The following NFS1 variants were observed in gnomAD, a reference collection of about 807,000 sequenced individuals.
The protein encoded by NFS1 is NFS1 cysteine desulfurase.
A neutral mutation model predicts 57.3 loss-of-function variants in NFS1; 26 were observed. That is an observed-to-expected ratio of 0.45 (90% CI 0.33 to 0.63). The LOEUF (loss-of-function observed/expected upper bound fraction) is 0.63, where lower values mean the gene tolerates loss of function less well. Among genes scored for constraint, NFS1 ranks in the 20% least tolerant of loss-of-function variants. NFS1 has a pLI of 0.02. For missense variants in NFS1, 505 were observed against 605.8 expected, an observed-to-expected ratio of 0.83 and a Z score of 1.75; for synonymous variants, 209 against 216.3, an observed-to-expected ratio of 0.97 and a Z score of 0.30.
intron 4 of NFS1, 33 bp downstream of exon 4, chr20:35,696,344 G>T: frequency 6.9e-7 from 1 of 1,449,952 alleles, no homozygotes; most frequent in Non-Finnish European, 9.7e-7. Context: ...GGTCAGGAAA[G>T]CCCACATACA....
At position 35,697,671 on chromosome 20, in the gene NFS1, C is replaced by G; in HGVS notation, c.324+13G>C. ...CTTTGACCTTAGAACCTCCTAGACT[C>G]CTGTGTACTAACCTGACGAGCACGT... On this transcript the variant is annotated intron_variant, in intron 3 of 12. Transcript: ENST00000374092. The G allele has an allele frequency of 6.3e-7, 1 of 1,592,470 alleles. No homozygotes were observed. The highest frequency in any genetic ancestry group is 8.6e-7 in the Non-Finnish European group (1 of 1,163,826).
chr20:35,680,617 G>T, intron 7 of NFS1, 120 bp downstream of exon 7: 2 of 828,268 alleles, frequency 2.4e-6, no homozygotes, highest in Non-Finnish European at 1.7e-6. Context: ...CATTCTACAA[G>T]GGACTCTGAA....
At chr20:35,693,833 GA>G (rs2035084808) in intron 4 of NFS1, among the ~76,000 whole-genome samples, 1 of 151,996 alleles carries the variant, frequency 6.6e-6, no homozygotes, top group Non-Finnish European at 1.5e-5. Context: ...GTGGTGGTGG[GA>G]GCCTGTAGTC....
intron 4 of NFS1, 23 bp from the exon 5 acceptor site, chr20:35,690,588 GGAA>G (rs2035025810): frequency 6.2e-7 from 1 of 1,612,990 alleles, no homozygotes; most frequent in Non-Finnish European, 8.5e-7. Context: ...GGTGACAGAT[GGAA>G]GGAGAACATA....
chr20:35,676,513 G>A (rs2034747512), intron 7 of NFS1, among the ~76,000 whole-genome samples: 1 of 151,684 alleles, frequency 6.6e-6, no homozygotes, highest in Non-Finnish European at 1.5e-5. Context: ...CTGAACTTGG[G>A]AGCCACAGGT....
At chr20:35,684,976 T>A (rs2034914076) in intron 5 of NFS1, among the ~76,000 whole-genome samples, 1 of 151,146 alleles carries the variant, frequency 6.6e-6, no homozygotes, top group Admixed American at 6.6e-5. Context: ...AACCTCCGCC[T>A]CCCAGGTTCA....
At chr20:35,673,484 G>T in intron 11 of NFS1, 117 bp downstream of exon 11, 1 of 767,056 alleles carries the variant, frequency 1.3e-6, no homozygotes, top group Non-Finnish European at 2.2e-6. Context: ...GTTATGAGAA[G>T]AGATAAGGAG....
intron 5 of NFS1, among the ~76,000 whole-genome samples, chr20:35,683,359 G>A (rs2034883542): frequency 6.6e-6 from 1 of 151,870 alleles, no homozygotes; most frequent in Non-Finnish European, 1.5e-5. Flanking sequence ...GCAGGCACCT[G>A]TAATCCCAGC....
chr20:35,676,765 A>C (rs937163332), intron 7 of NFS1, among the ~76,000 whole-genome samples: 3 of 145,582 alleles, frequency 2.1e-5, no homozygotes, highest in Non-Finnish European at 4.5e-5. Flanking sequence ...TCAGAAAAAA[A>C]AAAAAAAAAA....
At chr20:35,680,904 A>G in intron 6 of NFS1, 33 bp from the exon 7 acceptor site, 1 of 1,444,500 alleles carries the variant, frequency 6.9e-7, no homozygotes, top group South Asian at 1.6e-5. Flanking sequence ...CCACAGCACA[A>G]TGTTGGAAAG....
intron 8 of NFS1, 47 bp from the exon 9 acceptor site, chr20:35,674,664 C>G: frequency 6.9e-7 from 1 of 1,442,830 alleles, no homozygotes. Context: ...TTAACCAGCT[C>G]AGAAAGACAG....
intron 5 of NFS1, among the ~76,000 whole-genome samples, chr20:35,684,367 C>G (rs2034902495): frequency 6.6e-6 from 1 of 150,806 alleles, no homozygotes; most frequent in Non-Finnish European, 1.5e-5. Context: ...GAGATCGCGC[C>G]ACTGCACTCC....
chr20:35,698,721 T>C (rs899577307), intron 1 of NFS1, 131 bp from the exon 2 acceptor site: 13 of 1,417,772 alleles, frequency 9.2e-6, no homozygotes, highest in Admixed American at 3.2e-5. Context: ...CGAATCTCAA[T>C]GGAAAGAAAA....
In NFS1 at chr20:35,696,377, C is replaced by T. The variant is rs577228340; in HGVS notation, c.408G>A (p.Lys136=). The T allele has an allele frequency of 2.9e-5, 47 of 1,610,106 alleles. No individual in the cohort carries two copies. Among genetic ancestry groups the T allele is most frequent in the African/African-American group, 4.0e-5 (3 of 74,854 alleles). The part of the protein sequence containing the change: ...GATESNNIAI[K]GVARFYRSRK... ...ACACCCTCTGGTTCCCTTCTCTTAC[C>T]TTAATTGCTATGTTGTTGGATTCAG... The change falls in exon 4 of 13, where the codon AAG becomes AAA. Residue 136 remains lysine, a splice_region_variant and synonymous_variant. Transcript: ENST00000374092.
In NFS1 at chr20:35,699,119, C is replaced by G; in HGVS notation, c.97+73G>C. ...GGGCAGCAGGGTGGACAGGAAGGCT[C>G]CGGAATATTCAGTTGCGTCGCCGCG... On this transcript the variant is annotated intron_variant, in intron 1 of 12. Coordinates refer to ENST00000374092, the MANE Select transcript of NFS1 (RefSeq NM_021100.5). This position sits in a 1 kb window ranked among gnomAD's most constrained non-coding sequence, Gnocchi z 4.4. The G allele has an allele frequency of 7.4e-7, 1 of 1,358,432 alleles. No homozygotes were observed. Among genetic ancestry groups the G allele is most frequent in the Non-Finnish European group, 9.4e-7 (1 of 1,061,470 alleles). The allele number at this position is 1,358,432 out of a possible 1,614,324, so 84.1% of individuals were successfully genotyped here. A position where few individuals can be genotyped will look rare whatever the true frequency, so the allele number is the denominator to read the frequency against.
chr20:35,673,451 A>C lies in NFS1; in HGVS notation c.1220+150T>G. 4.9e-6 allele frequency: 3 copies of C among 606,882 alleles called. No homozygotes were observed. The South Asian group carries it at 6.0e-5, about 12-fold the overall frequency. The allele number at this position is 606,882 out of a possible 1,614,324, so 37.6% of individuals were successfully genotyped here. A position where few individuals can be genotyped will look rare whatever the true frequency, so the allele number is the denominator to read the frequency against. On this transcript the variant is annotated intron_variant, in intron 11 of 12. Coordinates refer to ENST00000374092, the MANE Select transcript of NFS1 (RefSeq NM_021100.5). ...TGATACTCAATGAAGTCTGAGAACC[A>C]CTGCTCTAGAAACTTTCACAAGGTT...
At chr20:35,677,872 T>C (rs2034780666) in intron 7 of NFS1, among the ~76,000 whole-genome samples, 1 of 152,128 alleles carries the variant, frequency 6.6e-6, no homozygotes, top group Non-Finnish European at 1.5e-5. Flanking sequence ...AATTCAAGCC[T>C]GAGTAACATA....
Position 35,699,281 on chromosome 20 carries a change from A to G in NFS1, c.8T>C (p.Leu3Pro). 1 of 1,415,350 alleles carries G rather than the reference A, an allele frequency of 7.1e-7. No individual in the cohort carries two copies. Among genetic ancestry groups the G allele is most frequent in the Non-Finnish European group, 9.1e-7 (1 of 1,093,944 alleles). The allele number at this position is 1,415,350 out of a possible 1,614,324, so 87.7% of individuals were successfully genotyped here. A position where few individuals can be genotyped will look rare whatever the true frequency, so the allele number is the denominator to read the frequency against. Residue 3 changes from leucine to proline, a missense_variant, in exon 1 of 13, where the codon CTC (leucine) becomes CCC (proline). By Grantham distance (98) the Leu-to-Pro change is moderately conservative. Transcript: ENST00000374092. This position sits in a 1 kb window ranked among gnomAD's most constrained non-coding sequence, Gnocchi z 4.4. Reference sequence around the variant, plus strand: ...TGCCGCCCGCCTCCAAGCGGCTCGGAGCAGCATGGTCCCGCTGGCAGAGCC... The same window carrying G: ...TGCCGCCCGCCTCCAAGCGGCTCGGGGCAGCATGGTCCCGCTGGCAGAGCC... ML[L>P]RAAWRRAAVA...
At chr20:35,671,598 A>C (rs1475161241) in intron 12 of NFS1, among the ~76,000 whole-genome samples, 46 of 151,194 alleles carry the variant, frequency 3.0e-4, no homozygotes, top group Non-Finnish European at 7.4e-5. Flanking sequence ...ATAATGAACA[A>C]TACTACCTGG....
Sources: gnomAD v4.1 joint callset for allele counts (sites outside exome capture counted in the v4.1 genomes callset) on GRCh38, gnomAD v4.1.1 for gene constraint, Gnocchi (gnomAD v3.1) non-coding constraint, MANE v1.5 for transcripts, NCBI Gene and HGNC (gene_info 2026-07-23, HGNC 2026-07-21) for gene names.